The following ITSN2 variants were observed in gnomAD, a reference collection of about 807,000 sequenced individuals.
ITSN2 encodes the protein intersectin 2.
A neutral mutation model predicts 243.7 loss-of-function variants in ITSN2; 156 were observed. The ratio of observed to expected loss-of-function variants is 0.64; its 90% CI spans 0.56 to 0.73. The LOEUF (loss-of-function observed/expected upper bound fraction) is 0.73. Among genes scored for constraint, ITSN2 ranks in the 30% least tolerant of loss-of-function variants. The pLI is 0.00. For synonymous variants in ITSN2, 703 were observed against 699.9 expected, an observed-to-expected ratio of 1.00 and a Z score of -0.07; for missense variants, 1,801 against 1,996.1, an observed-to-expected ratio of 0.90 and a Z score of 1.86.
At chr2:24,294,075 G>A (rs1018086539) in intron 14 of ITSN2, among the ~76,000 whole-genome samples, 5 of 152,124 alleles carry the variant, frequency 3.3e-5, no homozygotes, top group African/African-American at 7.2e-5. Flanking sequence ...GCAGACCTGC[G>A]CTAGATGGTA....
chr2:24,247,613 C>T (rs1673556106), intron 27 of ITSN2, among the ~76,000 whole-genome samples: 1 of 152,138 alleles, frequency 6.6e-6, no homozygotes, highest in Non-Finnish European at 1.5e-5. Context: ...CTGGAAGACA[C>T]ACTAAAACAT....
intron 29 of ITSN2, among the ~76,000 whole-genome samples, chr2:24,238,402 T>G (rs1299597347): frequency 6.6e-6 from 1 of 152,226 alleles, no homozygotes; most frequent in African/African-American, 2.4e-5. Context: ...TGCTAGATGT[T>G]GACAGATGGA....
chr2:24,310,290 G>C lies in ITSN2; in HGVS notation c.647C>G (p.Ser216Cys). ...QKAQSLIDLG[S>C]SSSTSSTASL... is the part of the protein sequence containing the mutation. ...CAGAGTTAGCTATTCATACCTACTA[G>C]ATCCTAAATCAATCAGAGACTGCGC... The change falls in exon 7 of 40, where the codon TCT becomes TGT. Residue 216 changes from serine (S) to cysteine (C), a missense_variant. Coordinates refer to ENST00000355123, the MANE Select transcript of ITSN2 (RefSeq NM_006277.3). The C allele has an allele frequency of 1.2e-6, 2 of 1,606,958 alleles. No homozygotes were observed. Among genetic ancestry groups the C allele is most frequent in the South Asian group, 2.2e-5 (2 of 90,424 alleles).
chr2:24,243,862 T>C (rs1673024619), intron 29 of ITSN2, among the ~76,000 whole-genome samples: 1 of 151,426 alleles, frequency 6.6e-6, no homozygotes, highest in South Asian at 2.1e-4. Context: ...AAAATTAAAG[T>C]TAAATTAAAT....
At chr2:24,315,298 A>C in intron 2 of ITSN2, 74 bp from the exon 3 acceptor site, 1 of 825,490 alleles carries the variant, frequency 1.2e-6, no homozygotes, top group African/African-American at 1.7e-5. Flanking sequence ...TGTAAATAGA[A>C]ATCACAAGTG....
intron 14 of ITSN2, among the ~76,000 whole-genome samples, chr2:24,295,212 G>C (rs955159167): frequency 2.0e-4 from 31 of 152,300 alleles, no homozygotes; most frequent in African/African-American, 6.5e-4. Context: ...TGGACTTCCT[G>C]ATATTGTATA....
intron 20 of ITSN2, among the ~76,000 whole-genome samples, chr2:24,265,401 G>A (rs182692324): frequency 3.9e-5 from 6 of 152,096 alleles, no homozygotes; most frequent in African/African-American, 1.2e-4. Context: ...AATAGTCATC[G>A]TTTCTATACA....
chr2:24,216,337 T>G lies in ITSN2; in HGVS notation c.3807-105A>C, dbSNP rs957523213. ...TGGTAATGATAACCAGTGAGCTACC[T>G]AAGAACCTCTGGCACTGGGAAGGAG... On this transcript the variant is annotated intron_variant, in intron 31 of 39. Coordinates refer to ENST00000355123, the MANE Select transcript of ITSN2 (RefSeq NM_006277.3). 5.4e-5 allele frequency: 49 copies of G among 908,226 alleles called. 1 individual carries two copies. The East Asian group carries it at 1.2e-3, about 23-fold the overall frequency. The allele number at this position is 908,226 out of a possible 1,614,324, so 56.3% of individuals were successfully genotyped here. A position where few individuals can be genotyped will look rare whatever the true frequency, so the allele number is the denominator to read the frequency against.
intron 20 of ITSN2, among the ~76,000 whole-genome samples, chr2:24,264,161 G>T (rs1574068351): frequency 6.6e-6 from 1 of 152,126 alleles, no homozygotes; most frequent in Non-Finnish European, 1.5e-5. Context: ...GAAGGCCGAG[G>T]GGGGCAGATC....
intron 25 of ITSN2, among the ~76,000 whole-genome samples, chr2:24,250,063 A>C (rs1673896526): frequency 6.6e-6 from 1 of 152,198 alleles, no homozygotes. Context: ...GTCTTTAATG[A>C]AACAGCAAAA....
chr2:24,268,999 C>T (rs1401177942), intron 20 of ITSN2, among the ~76,000 whole-genome samples: 3 of 151,908 alleles, frequency 2.0e-5, no homozygotes, highest in African/African-American at 7.3e-5. Context: ...TTTTTTAGTC[C>T]TTGTTTTATT....
intron 2 of ITSN2, among the ~76,000 whole-genome samples, chr2:24,317,824 T>TG (rs557734630): frequency 1.1e-3 from 173 of 152,244 alleles, no homozygotes; most frequent in African/African-American, 4.0e-3. Context: ...TTGGGGATGG[T>TG]GGGGGAGGTC....
At chr2:24,303,724 T>C (rs2151686830) in intron 9 of ITSN2, 75 bp downstream of exon 9, 1 of 951,122 alleles carries the variant, frequency 1.1e-6, no homozygotes. Flanking sequence ...GTATCTTTCT[T>C]GTAATAGGGG....
At chr2:24,214,714 T>C (rs891597048) in intron 32 of ITSN2, among the ~76,000 whole-genome samples, 17 of 152,322 alleles carry the variant, frequency 1.1e-4, no homozygotes, top group Admixed American at 8.5e-4. Flanking sequence ...GATATATTGA[T>C]ATAATTTGTG....
At chr2:24,330,415 A>C (rs1685647004) in intron 1 of ITSN2, 17 of 608,754 alleles carry the variant, frequency 2.8e-5, no homozygotes, top group South Asian at 2.4e-4. Flanking sequence ...CCCAAGAGAA[A>C]GGGTGAAGGG....
At chr2:24,270,054 G>A (rs1433762418) in intron 20 of ITSN2, among the ~76,000 whole-genome samples, 1 of 152,142 alleles carries the variant, frequency 6.6e-6, no homozygotes, top group East Asian at 1.9e-4. Flanking sequence ...CACACTAACT[G>A]GTGACAGTGC....
intron 24 of ITSN2, among the ~76,000 whole-genome samples, chr2:24,254,157 G>A (rs528241067): frequency 4.6e-5 from 7 of 152,234 alleles, no homozygotes; most frequent in African/African-American, 1.7e-4. Flanking sequence ...CCTTTCTAAA[G>A]TGCCAAGTAT....
In ITSN2 at chr2:24,249,860, G is replaced by A. The variant is rs951199052; in HGVS notation, c.3121-978C>T. On this transcript the variant is annotated intron_variant, in intron 25 of 39. Transcript: ENST00000355123. The surrounding 1 kb of genome is among the most constrained non-coding windows in gnomAD (Gnocchi z 4.4). ...CTTGAGCCTCTTTCAGGGGTCTGTG[G>A]GATAAAAACTATCTTCATAAAAATA... 6.6e-6 allele frequency among the ~76,000 whole-genome samples: 1 copy of A among 152,080 alleles called. No homozygotes were observed. Among genetic ancestry groups the A allele is most frequent in the African/African-American group, 2.4e-5 (1 of 41,398 alleles).
At chr2:24,261,278 A>G (rs770048297) in intron 21 of ITSN2, 28 bp from the exon 22 acceptor site, 1 of 1,553,028 alleles carries the variant, frequency 6.4e-7, no homozygotes, top group South Asian at 1.1e-5. Flanking sequence ...TGATATAAGT[A>G]TATTTATTTG....
Sources: gnomAD v4.1 joint callset for allele counts (sites outside exome capture counted in the v4.1 genomes callset) on GRCh38, gnomAD v4.1.1 for gene constraint, Gnocchi (gnomAD v3.1) non-coding constraint, MANE v1.5 for transcripts, NCBI Gene and HGNC (gene_info 2026-07-23, HGNC 2026-07-21) for gene names.